Variants in ATP11A observed in about 807,000 individuals in gnomAD.
ATP11A encodes phospholipid-transporting ATPase IH.
ATP11A carries 81 observed loss-of-function variants against 154.4 expected under a neutral mutation model. The observed-to-expected ratio is 0.52, with a 90% CI of 0.44 to 0.63. ATP11A has a LOEUF of 0.63. ATP11A is among the 30% of genes least tolerant of loss of function. ATP11A has a pLI of 0.00. For missense variants in ATP11A, 1,316 were observed against 1,474.3 expected, an observed-to-expected ratio of 0.89 and a Z score of 1.76; for synonymous variants, 623 against 585.9, an observed-to-expected ratio of 1.06 and a Z score of -0.91.
At chr13:112,867,277 G>A (rs149768083) in intron 25 of ATP11A, among the ~76,000 whole-genome samples, 310 of 152,344 alleles carry the variant, frequency 2.0e-3, no homozygotes, top group East Asian at 6.2e-3. Context: ...CACCCTGTGC[G>A]GTGTCAGCTC....
intron 2 of ATP11A, among the ~76,000 whole-genome samples, chr13:112,803,809 CCCCTCCTTCCTCTCCT>C (rs2078212804): frequency 9.4e-6 from 1 of 106,650 alleles, no homozygotes. Flanking sequence ...TCCCCTCCCT[CCCCTCCTTCCTCTCCT>C]TCCCCTCCTC....
intron 5 of ATP11A, among the ~76,000 whole-genome samples, chr13:112,814,673 A>T (rs2078593357): frequency 1.3e-5 from 2 of 152,080 alleles, no homozygotes; most frequent in African/African-American, 4.8e-5. Flanking sequence ...ACACATTTGC[A>T]TGGGTCTGTT....
Position 112,875,717 on chromosome 13 carries a change from G to C in ATP11A, c.3162-59G>C, listed in dbSNP as rs1040803645. On this transcript the variant is annotated intron_variant, in intron 27 of 29. Coordinates refer to ENST00000375645, the MANE Select transcript of ATP11A (RefSeq NM_015205.3). The surrounding 1 kb of genome is among the most constrained non-coding windows in gnomAD (Gnocchi z 4.1). ...GAACAGACGGCCTCTCCAGTGAGTA[G>C]AGAGGCCAGCCCCAGGGAGTACATG... The C allele has an allele frequency of 1.5e-5, 24 of 1,569,672 alleles. No homozygotes were observed. In the African/African-American group the frequency reaches 2.3e-4, roughly 15 times the overall value.
intron 1 of ATP11A, among the ~76,000 whole-genome samples, chr13:112,764,227 A>T (rs1158583696): frequency 6.6e-6 from 1 of 152,150 alleles, no homozygotes; most frequent in African/African-American, 2.4e-5. Context: ...ATTCACGGTG[A>T]CATCGCTCCT....
chr13:112,884,696 T>A lies in ATP11A; in HGVS notation c.*2830T>A, dbSNP rs562385668. The stretch of plus-strand genomic sequence containing the variant: ...TGTTGCTGCACAGGTTAATAAATTA[T>A]CAATTTGTAATTCAGCATGTTGGTC... On this transcript the variant is annotated 3_prime_UTR_variant, in exon 30 of 30. Coordinates refer to ENST00000375645, the MANE Select transcript of ATP11A (RefSeq NM_015205.3). 6.6e-6 allele frequency: 1 copy of A among 152,482 alleles called. No individual in the cohort carries two copies. The highest frequency in any genetic ancestry group is 1.9e-4 in the East Asian group (1 of 5,194). The allele number at this position is 152,482 out of a possible 1,614,324, so 9.4% of individuals were successfully genotyped here.
At chr13:112,755,019 T>C (rs2076785321) in intron 1 of ATP11A, among the ~76,000 whole-genome samples, 1 of 152,240 alleles carries the variant, frequency 6.6e-6, no homozygotes, top group Non-Finnish European at 1.5e-5. Context: ...CAGTGCCAGC[T>C]GTGCCCTAGT....
chr13:112,754,770 G>C lies in ATP11A; in HGVS notation c.40-30365G>C, dbSNP rs978222879. 1 of 152,920 alleles carries C rather than the reference G, an allele frequency of 6.5e-6. No individual in the cohort carries two copies. The highest frequency in any genetic ancestry group is 2.4e-5 in the African/African-American group (1 of 41,456). 9.5% of individuals were successfully genotyped at this position (152,920 alleles called of 1,614,324 possible). A position where few individuals can be genotyped will look rare whatever the true frequency, so the allele number is the denominator to read the frequency against. On this transcript the variant is annotated intron_variant, in intron 1 of 29. Transcript: ENST00000375645. The surrounding 1 kb of genome is among the most constrained non-coding windows in gnomAD (Gnocchi z 5.3). ...CCACCCAGGGGCGTGTCACAAATGC[G>C]GGCGGGGGGCAGGGCTCCACCCCAC...
chr13:112,729,354 G>A (rs1290704761), intron 1 of ATP11A, among the ~76,000 whole-genome samples: 1 of 152,236 alleles, frequency 6.6e-6, no homozygotes, highest in Non-Finnish European at 1.5e-5. Flanking sequence ...GCCCACTGAG[G>A]CAGCACAGTC....
rs2080948298 is a variant in ATP11A at position 112,884,880 on chromosome 13, A to G, written c.*3014A>G. 1 of 151,826 alleles carries G rather than the reference A, an allele frequency of 6.6e-6. No individual in the cohort carries two copies. Among genetic ancestry groups the G allele is most frequent in the Admixed American group, 6.6e-5 (1 of 15,224 alleles). 9.4% of individuals were successfully genotyped at this position (151,826 alleles called of 1,614,324 possible). A position where few individuals can be genotyped will look rare whatever the true frequency, so the allele number is the denominator to read the frequency against. On this transcript the variant is annotated 3_prime_UTR_variant, in exon 30 of 30. Coordinates refer to ENST00000375645, the MANE Select transcript of ATP11A (RefSeq NM_015205.3). The stretch of plus-strand genomic sequence containing the variant: ...GATTCACACCCAGTCCCTGCCACAG[A>G]CCGTCTCAGACACGCACAGTGGGCC...
Position 112,759,762 on chromosome 13 carries a change from A to T in ATP11A, c.40-25373A>T, listed in dbSNP as rs1349909743. 5.3e-5 allele frequency among the ~76,000 whole-genome samples: 8 copies of T among 152,296 alleles called. No individual in the cohort carries two copies. In the South Asian group the frequency reaches 6.2e-4, roughly 12 times the overall value. Reference sequence around the variant, plus strand: ...TATTTTTTCCTATTTTGCCAAGAAGACAGAATGAAGTCAATTCCGAAATGG... The same window carrying T: ...TATTTTTTCCTATTTTGCCAAGAAGTCAGAATGAAGTCAATTCCGAAATGG... On this transcript the variant is annotated intron_variant, in intron 1 of 29. Transcript: ENST00000375645.
chr13:112,785,436 G>A lies in ATP11A; in HGVS notation c.162+179G>A, dbSNP rs572977464. Among the ~76,000 whole-genome samples, 49 of 152,052 alleles carry A rather than the reference G, an allele frequency of 3.2e-4. No individual in the cohort carries two copies. The South Asian group carries it at 5.2e-3, about 16-fold the overall frequency. Reference sequence around the variant, plus strand: ...CCGAGGGCGCTACTCTCTCCCTCTCGGTGACTGCCCACAGGAGGCTTTCCA... The same window carrying A: ...CCGAGGGCGCTACTCTCTCCCTCTCAGTGACTGCCCACAGGAGGCTTTCCA... On this transcript the variant is annotated intron_variant, in intron 2 of 29. Transcript: ENST00000375645. The surrounding 1 kb of genome is among the most constrained non-coding windows in gnomAD (Gnocchi z 4.8).
intron 1 of ATP11A, among the ~76,000 whole-genome samples, chr13:112,742,203 G>A (rs1311925876): frequency 6.6e-6 from 1 of 152,254 alleles, no homozygotes; most frequent in African/African-American, 2.4e-5. Context: ...TTTAAAATAA[G>A]TGCAGGCTCA....
chr13:112,841,999 TTCCCAGAGAAAAAACAGAG>T (rs1311147234), intron 16 of ATP11A, among the ~76,000 whole-genome samples: 1 of 152,224 alleles, frequency 6.6e-6, no homozygotes, highest in Non-Finnish European at 1.5e-5. Context: ...TTTCGTGTCT[TTCCCAGAGAAAAAACAGAG>T]TCCCGGAGCC....
chr13:112,865,978 G>A (rs761972331), intron 25 of ATP11A, among the ~76,000 whole-genome samples: 3 of 152,230 alleles, frequency 2.0e-5, no homozygotes, highest in African/African-American at 7.2e-5. Context: ...CGTTGAGCCC[G>A]TGTTAGATTT....
chr13:112,828,923 C>G (rs1419824340), intron 12 of ATP11A, among the ~76,000 whole-genome samples: 1 of 152,230 alleles, frequency 6.6e-6, no homozygotes, highest in Non-Finnish European at 1.5e-5. Context: ...ATTCACCCAC[C>G]AGTCAAGCGT....
intron 6 of ATP11A, among the ~76,000 whole-genome samples, 170 bp downstream of exon 6, chr13:112,816,381 A>G (rs1373385918): frequency 1.3e-5 from 2 of 151,640 alleles, no homozygotes; most frequent in Non-Finnish European, 2.9e-5. Context: ...CCTATTTTCC[A>G]CTTTCTTCTT....
chr13:112,782,603 C>T (rs1211020723), intron 1 of ATP11A, among the ~76,000 whole-genome samples: 2 of 152,248 alleles, frequency 1.3e-5, no homozygotes, highest in Non-Finnish European at 2.9e-5. Context: ...TTAAAGTCCA[C>T]ATCCCTGTGG....
chr13:112,752,965 A>C (rs991829368), intron 1 of ATP11A, among the ~76,000 whole-genome samples: 7 of 152,284 alleles, frequency 4.6e-5, no homozygotes, highest in Non-Finnish European at 8.8e-5. Context: ...CACATATGCT[A>C]CATGGTCTAC....
chr13:112,859,096 C>A lies in ATP11A; in HGVS notation c.2668-297C>A. On this transcript the variant is annotated intron_variant, in intron 22 of 29. Transcript: ENST00000375645. This position sits in a 1 kb window ranked among gnomAD's most constrained non-coding sequence, Gnocchi z 4.3. ...AATGTTTGAGGAAGGATTCCTTATT[C>A]ACTGTGCAGTTCGATTCTTTCCCGT... 2.8e-6 allele frequency: 1 copy of A among 359,366 alleles called. No individual in the cohort carries two copies. The allele number at this position is 359,366 out of a possible 1,614,324, so 22.3% of individuals were successfully genotyped here.
Sources: allele counts gnomAD v4.1 joint callset (sites outside exome capture counted in the v4.1 genomes callset), GRCh38; gene constraint gnomAD v4.1.1; non-coding constraint Gnocchi (gnomAD v3.1); transcripts MANE v1.5; gene names NCBI Gene and HGNC (gene_info 2026-07-23, HGNC 2026-07-21).